The following VPS39 variants were observed in gnomAD, a reference collection of about 807,000 sequenced individuals.
VPS39 encodes vam6/Vps39-like protein.
VPS39 carries 70 observed loss-of-function variants against 121.0 expected under a neutral mutation model. That is an observed-to-expected ratio of 0.58 (90% CI 0.48 to 0.71). The LOEUF is 0.71. Ranked by LOEUF, VPS39 falls within the 30% of genes least tolerant of loss-of-function variation. The pLI is 0.00. For synonymous variants in VPS39, 378 were observed against 398.1 expected (o/e 0.95, Z 0.60); for missense variants, 818 against 1,051.5 (o/e 0.78, Z 3.07).
At chr15:42,207,197 T>C (rs1422208252) in intron 1 of VPS39, among the ~76,000 whole-genome samples, 1 of 152,180 alleles carries the variant, frequency 6.6e-6, no homozygotes, top group Non-Finnish European at 1.5e-5. Flanking sequence ...CCCATCATGG[T>C]TACCTATCTA....
intron 15 of VPS39, 37 bp downstream of exon 15, chr15:42,166,526 G>A: frequency 1.9e-6 from 3 of 1,608,498 alleles, no homozygotes; most frequent in Non-Finnish European, 2.6e-6. Flanking sequence ...CATTTGAACA[G>A]GAGCGCTTTC....
intron 16 of VPS39, 68 bp downstream of exon 16, chr15:42,166,091 A>C: frequency 6.9e-7 from 1 of 1,452,324 alleles, no homozygotes; most frequent in African/African-American, 1.4e-5. Context: ...CTCTCCATCC[A>C]CTGCTGTCTC....
Position 42,193,385 on chromosome 15 carries a change from G to C in VPS39, c.140-1825C>G, listed in dbSNP as rs559183810. 9.9e-5 allele frequency among the ~76,000 whole-genome samples: 15 copies of C among 152,212 alleles called. No homozygotes were observed. In the East Asian group the frequency reaches 2.7e-3, roughly 27 times the overall value. On this transcript the variant is annotated intron_variant, in intron 2 of 24. Transcript: ENST00000318006. ...CTGTCCTCATATAGATAACATAGTT[G>C]AAAAGGGAAAAGTACTTTAATAGAT... is the stretch of plus-strand genomic sequence containing the variant.
At chr15:42,182,105 G>C (rs1452806289) in intron 8 of VPS39, among the ~76,000 whole-genome samples, 1 of 152,182 alleles carries the variant, frequency 6.6e-6, no homozygotes, top group Non-Finnish European at 1.5e-5. Flanking sequence ...AGCTATGAGG[G>C]AACTCAGAAA....
At position 42,161,001 on chromosome 15, in the gene VPS39, C is replaced by T. The variant is rs2049116543; in HGVS notation, c.2553-172G>A. ...GGCTCTGGATTTCTGTAGCCATCAT[C>T]TCTGTCAAATAACCAAACAGAGGAT... On this transcript the variant is annotated intron_variant, in intron 24 of 24. Transcript: ENST00000318006. The T allele has an allele frequency of 1.1e-5, 7 of 633,324 alleles. No homozygotes were observed. The East Asian group carries it at 1.9e-4, about 17-fold the overall frequency. The allele number at this position is 633,324 out of a possible 1,614,324, so 39.2% of individuals were successfully genotyped here. A position where few individuals can be genotyped will look rare whatever the true frequency, so the allele number is the denominator to read the frequency against.
intron 13 of VPS39, among the ~76,000 whole-genome samples, chr15:42,167,125 G>A (rs1454752533): frequency 7.9e-5 from 12 of 152,244 alleles, no homozygotes; most frequent in Admixed American, 7.8e-4. Flanking sequence ...AACATTTCTT[G>A]AAGGAAATAC....
chr15:42,164,851 A>C, intron 18 of VPS39, 145 bp downstream of exon 18: 1 of 1,454,184 alleles, frequency 6.9e-7, no homozygotes, highest in Non-Finnish European at 9.0e-7. Flanking sequence ...GGCTTGTGTC[A>C]CTTAGCTCCC....
chr15:42,166,757 GA>G lies in VPS39; in HGVS notation c.1519+14del. The G allele has an allele frequency of 6.2e-7, 1 of 1,613,480 alleles. No individual in the cohort carries two copies. The highest frequency in any genetic ancestry group is 1.1e-5 in the South Asian group (1 of 91,068). Reference sequence around the variant, plus strand: ...TACAAGAGCCCCTCCCAGATCCAAGGAACCACTCCCACACCTTTCTCGTGGA... The same window carrying G: ...TACAAGAGCCCCTCCCAGATCCAAGGACCACTCCCACACCTTTCTCGTGGA... On this transcript the variant is annotated intron_variant, in intron 14 of 24. Coordinates refer to ENST00000318006, the MANE Select transcript of VPS39 (RefSeq NM_015289.5).
chr15:42,162,364 C>A lies in VPS39; in HGVS notation c.2293G>T (p.Glu765Ter). The change falls in exon 22 of 25, where the codon GAG becomes TAG. Residue 765 changes from glutamate to a stop codon, truncating the protein, a stop_gained. Coordinates refer to ENST00000318006, the MANE Select transcript of VPS39 (RefSeq NM_015289.5). LOFTEE classifies it high-confidence loss of function. ...GTGTCCAGTTTGCTGTGGTGTAGCT[C>A]GAGGACCTGCAGAGCGGCCTGGAGG... ...ANLQAALQVL[E>*]LHHSKLDTTK... 1 of 1,613,190 alleles carries A rather than the reference C, an allele frequency of 6.2e-7. No homozygotes were observed. Among genetic ancestry groups the A allele is most frequent in the Non-Finnish European group, 8.5e-7 (1 of 1,179,534 alleles).
At chr15:42,173,928 G>GA in intron 10 of VPS39, 76 bp from the exon 11 acceptor site, 1 of 1,546,114 alleles carries the variant, frequency 6.5e-7, no homozygotes, top group Non-Finnish European at 8.8e-7. Context: ...TGTTAGAGAA[G>GA]ATGCTAGGAG....
chr15:42,181,268 G>A (rs1231999978), intron 8 of VPS39, among the ~76,000 whole-genome samples: 2 of 152,144 alleles, frequency 1.3e-5, no homozygotes, highest in Non-Finnish European at 2.9e-5. Context: ...CATGAACCTT[G>A]AGGACATTAT....
chr15:42,177,984 A>G (rs1296857809), intron 10 of VPS39, among the ~76,000 whole-genome samples: 1 of 152,230 alleles, frequency 6.6e-6, no homozygotes, highest in African/African-American at 2.4e-5. Context: ...TTAATTCTAC[A>G]AGGTACTATT....
chr15:42,198,118 G>C (rs569579027), intron 2 of VPS39, among the ~76,000 whole-genome samples: 1 of 152,178 alleles, frequency 6.6e-6, no homozygotes, highest in African/African-American at 2.4e-5. Flanking sequence ...TTCCAAGCCA[G>C]ATTAACACTA....
Position 42,199,935 on chromosome 15 carries a change from G to A in VPS39, c.100C>T (p.Gln34Ter). 6.3e-7 allele frequency: 1 copy of A among 1,589,436 alleles called. No homozygotes were observed. The highest frequency in any genetic ancestry group is 8.5e-7 in the Non-Finnish European group (1 of 1,172,206). The change falls in exon 2 of 25, where the codon CAA (glutamine) becomes TAA (stop). Residue 34 changes from glutamine to a stop codon, truncating the protein, a stop_gained. Coordinates refer to ENST00000318006, the MANE Select transcript of VPS39 (RefSeq NM_015289.5). LOFTEE classifies it high-confidence loss of function. ...ATCCTATAGAGAAGAAGATGTCCTT[G>A]TTTGGTTCCCACAAGAAGCCATTCC... ...WEEWLLVGTKQGHLLLYRIRK... is the reference protein window; with the variant it reads ...WEEWLLVGTK
chr15:42,164,956 T>C lies in VPS39; in HGVS notation c.1897+40A>G, dbSNP rs1021600359. The C allele has an allele frequency of 5.6e-6, 9 of 1,613,208 alleles. No homozygotes were observed. In the African/African-American group the frequency reaches 1.2e-4, roughly 22 times the overall value. On this transcript the variant is annotated intron_variant, in intron 18 of 24. Transcript: ENST00000318006. The stretch of plus-strand genomic sequence containing the variant: ...TGGCACCTGGGTCTGTGCTCTCCTC[T>C]AAGGCCTGGGGCCAACCGGCTTCCT...
chr15:42,171,451 T>C (rs570561156), intron 11 of VPS39, among the ~76,000 whole-genome samples: 1 of 152,328 alleles, frequency 6.6e-6, no homozygotes, highest in South Asian at 2.1e-4. Context: ...GAACTGAGGA[T>C]ACTACAGGGC....
At chr15:42,172,490 C>T (rs2049365832) in intron 11 of VPS39, among the ~76,000 whole-genome samples, 1 of 152,238 alleles carries the variant, frequency 6.6e-6, no homozygotes, top group African/African-American at 2.4e-5. Flanking sequence ...CCAACAAGTA[C>T]TAACAGAGAT....
intron 1 of VPS39, among the ~76,000 whole-genome samples, chr15:42,202,260 C>T (rs2050083060): frequency 6.6e-6 from 1 of 152,124 alleles, no homozygotes; most frequent in Non-Finnish European, 1.5e-5. Flanking sequence ...TGTTCTTAGT[C>T]ATCCAGAAAA....
chr15:42,188,625 G>A (rs1595671725), intron 5 of VPS39, among the ~76,000 whole-genome samples: 2 of 152,196 alleles, frequency 1.3e-5, no homozygotes, highest in Non-Finnish European at 1.5e-5. Flanking sequence ...GAATGCAAAC[G>A]CTTCAACTTC....
Sources: gnomAD v4.1 joint callset for allele counts (sites outside exome capture counted in the v4.1 genomes callset) on GRCh38, gnomAD v4.1.1 for gene constraint, MANE v1.5 for transcripts, NCBI Gene and HGNC (gene_info 2026-07-23, HGNC 2026-07-21) for gene names.